ITIH4: variants seen among roughly 807,000 people sequenced by gnomAD.
ITIH4 encodes inter-alpha-trypsin inhibitor heavy chain H4.
ITIH4 carries 79 observed loss-of-function variants against 111.8 expected under a neutral mutation model. The observed-to-expected ratio is 0.71, with a 90% CI of 0.59 to 0.85. The LOEUF (loss-of-function observed/expected upper bound fraction) is 0.85. Ranked by LOEUF, ITIH4 falls within the 40% of genes least tolerant of loss-of-function variation. ITIH4 has a pLI of 0.00. For missense variants in ITIH4, 1,065 were observed against 1,195.8 expected, an observed-to-expected ratio of 0.89 and a Z score of 1.61; for synonymous variants, 472 against 468.3, an observed-to-expected ratio of 1.01 and a Z score of -0.10.
At chr3:52,814,830 T>C (rs761907619) in intron 21 of ITIH4, among the ~76,000 whole-genome samples, 14 of 152,216 alleles carry the variant, frequency 9.2e-5, no homozygotes, top group Non-Finnish European at 1.5e-4. Context: ...GCAATCTGCC[T>C]GCCTCAGCCT....
rs1287522738 is a variant in ITIH4, at chr3:52,818,214, G to A, written c.2179+43C>T. 1.3e-6 allele frequency: 2 copies of A among 1,592,862 alleles called. 1 individual carries two copies. The highest frequency in any genetic ancestry group is 2.3e-5 in the South Asian group (2 of 88,220). ...CTCCTGGAGCAGGAAGGGCAGGCTG[G>A]GGGCAAGGATGTGGAAAGGGGCCAA... On this transcript the variant is annotated intron_variant, in intron 19 of 23. Coordinates refer to ENST00000266041, the MANE Select transcript of ITIH4 (RefSeq NM_002218.5).
intron 21 of ITIH4, among the ~76,000 whole-genome samples, chr3:52,816,484 C>T (rs752929551): frequency 3.2e-4 from 49 of 152,326 alleles, no homozygotes; most frequent in Non-Finnish European, 5.9e-4. Flanking sequence ...GGCACTGTAT[C>T]ATCTGACGGC....
chr3:52,823,694 G>A lies in ITIH4; in HGVS notation c.1401C>T (p.Phe467=), dbSNP rs748537364. 5.0e-6 allele frequency: 8 copies of A among 1,614,166 alleles called. No individual in the cohort carries two copies. Among genetic ancestry groups the A allele is most frequent in the East Asian group, 2.2e-5 (1 of 44,866 alleles). The change falls in exon 11 of 24, where the codon TTC becomes TTT. Residue 467 remains phenylalanine (F), a synonymous_variant. Coordinates refer to ENST00000266041, the MANE Select transcript of ITIH4 (RefSeq NM_002218.5). ...VANPLLTAVT[F]EYPSNAVEEV... The stretch of plus-strand genomic sequence containing the variant: ...CCTCCACGGCATTGCTTGGGTACTC[G>A]AAGGTCACTGCTGTCAGCAGTGGGT...
rs527362213 is a variant in ITIH4, at chr3:52,824,404, G to T, written c.1038C>A (p.Ala346=). 9.0e-5 allele frequency: 146 copies of T among 1,614,124 alleles called. 1 individual carries two copies. In the South Asian group the frequency reaches 1.5e-3, roughly 17 times the overall value. Residue 346 remains alanine, a synonymous_variant, in exon 8 of 24, where the codon GCC becomes GCA. Transcript: ENST00000266041. The surrounding 1 kb of genome is among the most constrained non-coding windows in gnomAD (Gnocchi z 4.3). The part of the protein sequence containing the change: ...KARSFAAGIQ[A]LGGTNINDAM... ...GGCCACAGAGACACTTACCTCCCAG[G>T]GCCTGGATGCCCGCAGCAAAGCTCC...
intron 11 of ITIH4, among the ~76,000 whole-genome samples, chr3:52,821,588 T>A (rs976241717): frequency 1.3e-5 from 2 of 152,140 alleles, no homozygotes; most frequent in African/African-American, 2.4e-5. Context: ...ACAACTCAGA[T>A]GTCATGGCTC....
rs1700220374 is a variant in ITIH4, at chr3:52,813,136, G to C, written c.*285C>G. 4 of 415,930 alleles carry C rather than the reference G, an allele frequency of 9.6e-6. No individual in the cohort carries two copies. Among genetic ancestry groups the C allele is most frequent in the Non-Finnish European group, 1.7e-5 (4 of 232,054 alleles). The allele number at this position is 415,930 out of a possible 1,614,324, so 25.8% of individuals were successfully genotyped here. ...CAGTTTCCTTGTTTGTAAAATGAAG[G>C]GGCTGGACTGAAAGCTCAGCATGGG... On this transcript the variant is annotated 3_prime_UTR_variant, in exon 24 of 24. Coordinates refer to ENST00000266041, the MANE Select transcript of ITIH4 (RefSeq NM_002218.5).
chr3:52,827,094 T>C lies in ITIH4; in HGVS notation c.355A>G (p.Lys119Glu), dbSNP rs1376980422. The change falls in exon 3 of 24, where the codon AAG becomes GAG. Residue 119 changes from lysine to glutamate, a missense_variant and splice_region_variant. Lys to Glu is a moderately conservative substitution (Grantham distance 56, BLOSUM62 1). Coordinates refer to ENST00000266041, the MANE Select transcript of ITIH4 (RefSeq NM_002218.5). The stretch of plus-strand genomic sequence containing the variant: ...TGAAGCTGCCCCCCACCAGCTCACT[T>C]GACGAGGCCAGCGCTCTTTCCCTTG... ...VAKGKSAGLV[K>E]ATGRNMEQFQ... The C allele has an allele frequency of 6.2e-7, 1 of 1,613,824 alleles. No homozygotes were observed.
Position 52,814,040 on chromosome 3 carries a change from A to G in ITIH4, c.2658T>C (p.Ser886=). The part of the protein sequence containing the change: ...GQFYQEVLWG[S]PAASDDGRRT... ...GTCTGCCGTCATCTGATGCTGCTGG[A>G]GATCCCCAGAGCACCTCCTGGTAAA... Residue 886 remains serine, a synonymous_variant, in exon 23 of 24, where the codon TCT becomes TCC. Transcript: ENST00000266041. The G allele has an allele frequency of 6.2e-7, 1 of 1,613,934 alleles. No homozygotes were observed. Among genetic ancestry groups the G allele is most frequent in the Non-Finnish European group, 8.5e-7 (1 of 1,179,958 alleles).
intron 1 of ITIH4, 80 bp downstream of exon 1, chr3:52,830,447 TGCACACGCACTTGTGCTGACACGCTG>T: frequency 9.3e-7 from 1 of 1,079,528 alleles, no homozygotes; most frequent in Non-Finnish European, 1.4e-6. Context: ...CACACAGGGA[TGCACACGCACTTGTGCTGACACGCTG>T]GCACATGCGG....
intron 22 of ITIH4, 21 bp from the exon 23 acceptor site, chr3:52,814,092 C>A: frequency 6.2e-7 from 1 of 1,611,666 alleles, no homozygotes. Context: ...AAGGGTGGAT[C>A]AGTAAGGGTC....
In ITIH4 at chr3:52,824,658, G is replaced by T; in HGVS notation, c.877-93C>A. 2 of 1,394,230 alleles carry T rather than the reference G, an allele frequency of 1.4e-6. No homozygotes were observed. Among genetic ancestry groups the T allele is most frequent in the Non-Finnish European group, 2.0e-6 (2 of 1,018,030 alleles). 86.4% of individuals were successfully genotyped at this position (1,394,230 alleles called of 1,614,324 possible). A position where few individuals can be genotyped will look rare whatever the true frequency, so the allele number is the denominator to read the frequency against. ...GCATCCTTGGACTCCTGTCTCAGGG[G>T]TGAGGTCATGGTATCTGCTCTAGGA... On this transcript the variant is annotated intron_variant, in intron 7 of 23. Transcript: ENST00000266041. The surrounding 1 kb of genome is among the most constrained non-coding windows in gnomAD (Gnocchi z 4.3).
At position 52,826,557 on chromosome 3, in the gene ITIH4, C is replaced by T. The variant is rs754024374; in HGVS notation, c.614G>A (p.Trp205Ter). ...CAGGCCCACCTTGGTCTTATTCTGC[C>T]AGGTGGTGAGGGCGTCTACCAGCTG... Reference protein sequence around the residue: ...TNQLVDALTTWQNKTKAHIRF... With the variant: ...TNQLVDALTT Residue 205 changes from tryptophan to a stop codon, truncating the protein, a stop_gained, in exon 5 of 24, where the codon TGG becomes TAG. Coordinates refer to ENST00000266041, the MANE Select transcript of ITIH4 (RefSeq NM_002218.5). LOFTEE classifies it high-confidence loss of function. 1 of 1,613,784 alleles carries T rather than the reference C, an allele frequency of 6.2e-7. No individual in the cohort carries two copies. Among genetic ancestry groups the T allele is most frequent in the South Asian group, 1.1e-5 (1 of 91,076 alleles).
rs752220877 is a variant in ITIH4, at chr3:52,824,028, G to T, written c.1172-24C>A. On this transcript the variant is annotated intron_variant, in intron 9 of 23. Coordinates refer to ENST00000266041, the MANE Select transcript of ITIH4 (RefSeq NM_002218.5). The surrounding 1 kb of genome is among the most constrained non-coding windows in gnomAD (Gnocchi z 4.3). ...CCCTGGACCCAGGGGTTTGGGATGA[G>T]GGTGAGAAAATAGTGATTTGCTTGA... is the stretch of plus-strand genomic sequence containing the variant. 1 of 1,543,966 alleles carries T rather than the reference G, an allele frequency of 6.5e-7. No homozygotes were observed. Among genetic ancestry groups the T allele is most frequent in the East Asian group, 2.3e-5 (1 of 44,250 alleles).
chr3:52,826,120 C>G (rs1287419386), intron 5 of ITIH4, 106 bp from the exon 6 acceptor site: 1 of 1,478,100 alleles, frequency 6.8e-7, no homozygotes, highest in Non-Finnish European at 9.2e-7. Flanking sequence ...AGGATGCAGC[C>G]TTGGGTCCGT....
At chr3:52,819,250 CCACA>C in intron 17 of ITIH4, 139 bp downstream of exon 17, 1 of 895,976 alleles carries the variant, frequency 1.1e-6, no homozygotes, top group Non-Finnish European at 1.7e-6. Context: ...TTGAACTGAC[CCACA>C]ATTACTTCAC....
At position 52,813,406 on chromosome 3, in the gene ITIH4, C is replaced by T. The variant is rs368482544; in HGVS notation, c.*15G>A. On this transcript the variant is annotated 3_prime_UTR_variant, in exon 24 of 24. Coordinates refer to ENST00000266041, the MANE Select transcript of ITIH4 (RefSeq NM_002218.5). ...AGCCAAGTGTACAGGGTGGGCACAGCTCCTTCCATCAGAACTACAGCTCCA... is the reference window on the plus strand; with the variant it reads ...AGCCAAGTGTACAGGGTGGGCACAGTTCCTTCCATCAGAACTACAGCTCCA... 28 of 1,613,438 alleles carry T rather than the reference C, an allele frequency of 1.7e-5. No individual in the cohort carries two copies. The African/African-American group carries it at 3.6e-4, about 21-fold the overall frequency.
chr3:52,815,866 A>G (rs1408165759), intron 21 of ITIH4, among the ~76,000 whole-genome samples: 1 of 151,856 alleles, frequency 6.6e-6, no homozygotes, highest in East Asian at 1.9e-4. Flanking sequence ...TTGTATTTTT[A>G]GTAGAGACGG....
chr3:52,813,550 A>C (rs1044548012), intron 23 of ITIH4, 60 bp from the exon 24 acceptor site: 418 of 1,455,134 alleles, frequency 2.9e-4, no homozygotes, highest in Non-Finnish European at 3.3e-4. Flanking sequence ...GTGGTGCGAA[A>C]AGAGGGAGAC....
intron 1 of ITIH4, chr3:52,830,181 G>T: frequency 2.7e-6 from 1 of 367,138 alleles, no homozygotes; most frequent in South Asian, 2.1e-5. Context: ...GATACAATGG[G>T]TTTGGTTTTC....
Sources: allele counts gnomAD v4.1 joint callset (sites outside exome capture counted in the v4.1 genomes callset), GRCh38; gene constraint gnomAD v4.1.1; non-coding constraint Gnocchi (gnomAD v3.1); transcripts MANE v1.5; gene names NCBI Gene and HGNC (gene_info 2026-07-23, HGNC 2026-07-21).